The following ZNF251 variants were observed in gnomAD, a reference collection of about 807,000 sequenced individuals.
ZNF251 encodes zinc finger protein 251.
ZNF251 carries 14 observed loss-of-function variants against 13.5 expected under a neutral mutation model. That is an observed-to-expected ratio of 1.04 (90% CI 0.69 to 1.63). The LOEUF (loss-of-function observed/expected upper bound fraction) is 1.63. Ranked by LOEUF, ZNF251 falls within the 40% of genes most tolerant of loss-of-function variation. The probability of loss-of-function intolerance (pLI) is 0.00; values close to 1 mark genes in which losing one functional copy is unlikely to be tolerated. For missense variants in ZNF251, 764 were observed against 834.9 expected, an observed-to-expected ratio of 0.92 and a Z score of 1.05; for synonymous variants, 287 against 295.2, an observed-to-expected ratio of 0.97 and a Z score of 0.28.
intron 2 of ZNF251, 85 bp from the exon 3 acceptor site, chr8:144,754,406 C>T: frequency 8.8e-6 from 13 of 1,473,704 alleles, no homozygotes; most frequent in East Asian, 2.5e-5. Flanking sequence ...TGGGGCCCCA[C>T]TACCCAGGGC....
chr8:144,733,492 T>C (rs959339395), intron 4 of ZNF251, among the ~76,000 whole-genome samples: 3 of 152,190 alleles, frequency 2.0e-5, no homozygotes, highest in Non-Finnish European at 2.9e-5. Flanking sequence ...TCCCAACCCC[T>C]CCCTCTTGGT....
intron 4 of ZNF251, among the ~76,000 whole-genome samples, chr8:144,746,505 A>G (rs1330693059): frequency 6.6e-6 from 1 of 152,212 alleles, no homozygotes; most frequent in Non-Finnish European, 1.5e-5. Flanking sequence ...CTGACCTCAT[A>G]TGAGTTAGGA....
At chr8:144,740,094 T>C (rs1176775660) in intron 4 of ZNF251, among the ~76,000 whole-genome samples, 1 of 151,614 alleles carries the variant, frequency 6.6e-6, no homozygotes, top group Non-Finnish European at 1.5e-5. Context: ...GAGACCAGCC[T>C]GACCAACATG....
intron 4 of ZNF251, 154 bp downstream of exon 4, chr8:144,753,529 C>A (rs1824801448): frequency 3.4e-6 from 2 of 588,676 alleles, no homozygotes; most frequent in Admixed American, 6.2e-5. Flanking sequence ...AAAGCATGTG[C>A]ACATGCTCAC....
At position 144,751,486 on chromosome 8, in the gene ZNF251, A is replaced by G. The variant is rs187156357; in HGVS notation, c.277+2197T>C. On this transcript the variant is annotated intron_variant, in intron 4 of 4. Coordinates refer to ENST00000292562, the MANE Select transcript of ZNF251 (RefSeq NM_138367.2). ...CTGGATTTATGTGAAGTAGTACACA[A>G]ATGAACTGTAAGTAAACTGTGGAAA... Among the ~76,000 whole-genome samples, 89 of 152,348 alleles carry G rather than the reference A, an allele frequency of 5.8e-4. 1 individual carries two copies. In the East Asian group the frequency reaches 0.011, roughly 18 times the overall value.
chr8:144,744,986 G>A (rs1824349980), intron 4 of ZNF251, among the ~76,000 whole-genome samples: 2 of 152,272 alleles, frequency 1.3e-5, no homozygotes, highest in East Asian at 1.9e-4. Context: ...AACCCAGGAG[G>A]TGGAGGTTGC....
chr8:144,743,816 T>C (rs1408379265), intron 4 of ZNF251, among the ~76,000 whole-genome samples: 1 of 152,208 alleles, frequency 6.6e-6, no homozygotes, highest in Non-Finnish European at 1.5e-5. Flanking sequence ...GACATTGATC[T>C]TCTCACAATG....
chr8:144,725,798 A>G (rs1431944621), intron 4 of ZNF251, among the ~76,000 whole-genome samples: 2 of 152,226 alleles, frequency 1.3e-5, no homozygotes, highest in Non-Finnish European at 2.9e-5. Context: ...GGCTGATCTC[A>G]TTCACAATGA....
chr8:144,742,967 G>A (rs1469017062), intron 4 of ZNF251, among the ~76,000 whole-genome samples: 5 of 152,168 alleles, frequency 3.3e-5, no homozygotes, highest in Non-Finnish European at 5.9e-5. Flanking sequence ...GTTGTTCAAA[G>A]GCCAACTGTA....
Position 144,754,790 on chromosome 8 carries a change from C to T in ZNF251, c.-62G>A. ...ACAGGAGACTGCCCTGGCCTGAAGT[C>T]TCCCCGAACTTACCTTCAGTGGGGA... On this transcript the variant is annotated 5_prime_UTR_variant, in exon 2 of 5. Coordinates refer to ENST00000292562, the MANE Select transcript of ZNF251 (RefSeq NM_138367.2). 2 of 1,586,044 alleles carry T rather than the reference C, an allele frequency of 1.3e-6. No homozygotes were observed. The highest frequency in any genetic ancestry group is 1.7e-6 in the Non-Finnish European group (2 of 1,166,724).
intron 2 of ZNF251, 87 bp downstream of exon 2, chr8:144,754,609 G>C: frequency 6.6e-7 from 1 of 1,504,192 alleles, no homozygotes; most frequent in East Asian, 2.4e-5. Context: ...CTTACCAGTT[G>C]CCGGGCTCAC....
At chr8:144,724,953 G>A (rs1319444605) in intron 4 of ZNF251, among the ~76,000 whole-genome samples, 6 of 152,050 alleles carry the variant, frequency 3.9e-5, no homozygotes, top group Non-Finnish European at 7.3e-5. Flanking sequence ...TTTAAATTAT[G>A]AGTCAATTTA....
intron 4 of ZNF251, among the ~76,000 whole-genome samples, chr8:144,750,348 C>T (rs1824636778): frequency 6.6e-6 from 1 of 152,156 alleles, no homozygotes; most frequent in Non-Finnish European, 1.5e-5. Flanking sequence ...CTCAGTCTTG[C>T]TGAGCTTGTG....
chr8:144,721,489 T>A lies in ZNF251; in HGVS notation c.*155A>T. ...GATTTCCCAGAATGAATTCTCGTGT[T>A]TACTTCCAGATTTAATGACTTTGAC... On this transcript the variant is annotated 3_prime_UTR_variant, in exon 5 of 5. Transcript: ENST00000292562. The A allele has an allele frequency of 1.2e-5, 9 of 763,580 alleles. No homozygotes were observed. The highest frequency in any genetic ancestry group is 1.6e-5 in the Non-Finnish European group (9 of 558,148). 47.3% of individuals were successfully genotyped at this position (763,580 alleles called of 1,614,324 possible). A position where few individuals can be genotyped will look rare whatever the true frequency, so the allele number is the denominator to read the frequency against.
intron 4 of ZNF251, chr8:144,753,433 G>T: frequency 2.3e-6 from 1 of 430,082 alleles, no homozygotes; most frequent in South Asian, 4.7e-5. Context: ...TTGTTATCAA[G>T]GTAAATCACC....
At chr8:144,729,430 G>A (rs1378007663) in intron 4 of ZNF251, among the ~76,000 whole-genome samples, 4 of 150,068 alleles carry the variant, frequency 2.7e-5, no homozygotes, top group South Asian at 2.1e-4. Flanking sequence ...TCCGCCTCCC[G>A]GGTTCACGCC....
chr8:144,724,366 T>C (rs1823460253), intron 4 of ZNF251, among the ~76,000 whole-genome samples: 1 of 151,924 alleles, frequency 6.6e-6, no homozygotes, highest in Non-Finnish European at 1.5e-5. Context: ...TGTCTTGCTC[T>C]GTTTCCCAGG....
At chr8:144,736,824 T>G (rs1414033143) in intron 4 of ZNF251, among the ~76,000 whole-genome samples, 2 of 147,970 alleles carry the variant, frequency 1.4e-5, no homozygotes, top group Non-Finnish European at 3.0e-5. Context: ...GAGATGGAGG[T>G]TTTTTTTGGT....
chr8:144,732,688 T>TA (rs1470902647), intron 4 of ZNF251, among the ~76,000 whole-genome samples: 1 of 151,882 alleles, frequency 6.6e-6, no homozygotes, highest in African/African-American at 2.4e-5. Context: ...GGCAGGCACT[T>TA]ATAGTCCCAG....
Sources: allele counts gnomAD v4.1 joint callset (sites outside exome capture counted in the v4.1 genomes callset), GRCh38; gene constraint gnomAD v4.1.1; transcripts MANE v1.5; gene names NCBI Gene and HGNC (gene_info 2026-07-23, HGNC 2026-07-21).